Variants in DISC1 observed in about 807,000 individuals in gnomAD.
DISC1 encodes disrupted in schizophrenia 1 protein.
Under a neutral mutation model 84.5 loss-of-function variants are expected in DISC1, and 57 were observed. The observed-to-expected ratio is 0.67, with a 90% CI of 0.55 to 0.84. The LOEUF (loss-of-function observed/expected upper bound fraction) is 0.84. DISC1 is among the 40% of genes least tolerant of loss of function. DISC1 has a pLI of 0.00. For synonymous variants in DISC1, 411 were observed against 415.2 expected (o/e 0.99, Z 0.12); for missense variants, 1,000 against 1,057.8 (o/e 0.95, Z 0.76).
intron 10 of DISC1, among the ~76,000 whole-genome samples, chr1:231,994,827 G>A (rs1044134908): frequency 2.9e-4 from 44 of 152,248 alleles, no homozygotes; most frequent in African/African-American, 9.4e-4. Flanking sequence ...GATTGTCATC[G>A]GTTAATTGCC....
chr1:232,012,991 T>C (rs978710126), intron 11 of DISC1, among the ~76,000 whole-genome samples: 4 of 152,194 alleles, frequency 2.6e-5, no homozygotes, highest in African/African-American at 9.7e-5. Context: ...CTCTGGAAAC[T>C]ATCAGCTGCT....
chr1:232,035,782 TA>T (rs2103070930), intron 12 of DISC1, among the ~76,000 whole-genome samples: 1 of 152,206 alleles, frequency 6.6e-6, no homozygotes, highest in East Asian at 1.9e-4. Context: ...TGACTACAAG[TA>T]AAAAGGGAAA....
intron 8 of DISC1, among the ~76,000 whole-genome samples, chr1:231,817,220 G>C (rs1403679968): frequency 6.6e-6 from 1 of 152,142 alleles, no homozygotes; most frequent in Non-Finnish European, 1.5e-5. Context: ...GAGTAGCTGG[G>C]ATTACAGGTG....
intron 10 of DISC1, among the ~76,000 whole-genome samples, chr1:231,993,889 C>G (rs1259294960): frequency 6.6e-6 from 1 of 152,170 alleles, no homozygotes; most frequent in Non-Finnish European, 1.5e-5. Flanking sequence ...TTCTCTTTCT[C>G]TCTTCACCCT....
At chr1:231,973,835 G>A (rs764388975) in intron 10 of DISC1, among the ~76,000 whole-genome samples, 2 of 152,132 alleles carry the variant, frequency 1.3e-5, no homozygotes, top group Admixed American at 6.5e-5. Context: ...AGACCATCTA[G>A]ATAGTACTCT....
intron 9 of DISC1, among the ~76,000 whole-genome samples, chr1:231,870,054 C>T (rs1326618846): frequency 6.6e-5 from 10 of 151,948 alleles, no homozygotes; most frequent in Admixed American, 2.0e-4. Context: ...TCTGAGAGTA[C>T]GGGGGTCCTA....
chr1:231,728,113 C>A (rs1386323720), intron 3 of DISC1, among the ~76,000 whole-genome samples: 1 of 151,920 alleles, frequency 6.6e-6, no homozygotes, highest in African/African-American at 2.4e-5. Flanking sequence ...GGATTTCATA[C>A]AAAGATGGAG....
At chr1:231,743,529 C>T (rs1304789173) in intron 3 of DISC1, among the ~76,000 whole-genome samples, 1 of 152,076 alleles carries the variant, frequency 6.6e-6, no homozygotes, top group South Asian at 2.1e-4. Flanking sequence ...TTGCGTTTCA[C>T]CAAAGTTTTG....
At chr1:231,772,576 T>A (rs1186538292) in intron 6 of DISC1, among the ~76,000 whole-genome samples, 1 of 152,146 alleles carries the variant, frequency 6.6e-6, no homozygotes, top group Non-Finnish European at 1.5e-5. Context: ...ATTTCTACCT[T>A]ATAGAGCTAT....
intron 8 of DISC1, among the ~76,000 whole-genome samples, chr1:231,809,324 G>A (rs199524534): frequency 6.6e-6 from 1 of 152,104 alleles, no homozygotes; most frequent in Non-Finnish European, 1.5e-5. Flanking sequence ...CCTGGTGAGG[G>A]AATCTTCCCA....
At chr1:231,958,594 G>A (rs529416615) in intron 9 of DISC1, among the ~76,000 whole-genome samples, 1 of 152,326 alleles carries the variant, frequency 6.6e-6, no homozygotes, top group South Asian at 2.1e-4. Flanking sequence ...CTGGCTCAGC[G>A]CTATTGCTCC....
intron 9 of DISC1, among the ~76,000 whole-genome samples, chr1:231,851,623 G>T (rs977391370): frequency 6.6e-6 from 1 of 152,194 alleles, no homozygotes; most frequent in African/African-American, 2.4e-5. Context: ...GGTGCCAAAG[G>T]CTGTGGCGGA....
intron 9 of DISC1, among the ~76,000 whole-genome samples, chr1:231,933,728 C>T (rs2090809590): frequency 6.6e-6 from 1 of 152,162 alleles, no homozygotes; most frequent in South Asian, 2.1e-4. Flanking sequence ...ATATGTCTCT[C>T]CAAACATATT....
chr1:231,814,610 G>A (rs2080710626), intron 8 of DISC1, among the ~76,000 whole-genome samples: 1 of 152,114 alleles, frequency 6.6e-6, no homozygotes, highest in Admixed American at 6.5e-5. Flanking sequence ...ATCATCCTGT[G>A]AACCATTGAA....
chr1:231,962,584 C>T (rs1660537432), intron 10 of DISC1, among the ~76,000 whole-genome samples: 1 of 152,068 alleles, frequency 6.6e-6, no homozygotes, highest in Non-Finnish European at 1.5e-5. Flanking sequence ...CATCAAGGTG[C>T]CGGTATAAAA....
intron 9 of DISC1, among the ~76,000 whole-genome samples, chr1:231,884,234 G>A (rs1167060983): frequency 6.6e-6 from 1 of 152,148 alleles, no homozygotes; most frequent in Admixed American, 6.5e-5. Flanking sequence ...CTGACTCATT[G>A]TTGGTATTTG....
chr1:231,653,135 A>G (rs2060777389), intron 1 of DISC1, among the ~76,000 whole-genome samples: 2 of 152,234 alleles, frequency 1.3e-5, no homozygotes, highest in Admixed American at 1.3e-4. Flanking sequence ...AGTTACATTA[A>G]ATTGGAATGT....
intron 6 of DISC1, chr1:231,771,399 T>C (rs1457414041): frequency 1.1e-5 from 11 of 985,330 alleles, no homozygotes; most frequent in African/African-American, 3.5e-5. Context: ...GAGATCCTAA[T>C]GCCAACTTTT....
chr1:231,752,343 G>T (rs923929769), intron 4 of DISC1, among the ~76,000 whole-genome samples: 6 of 152,116 alleles, frequency 3.9e-5, no homozygotes, highest in Non-Finnish European at 8.8e-5. Flanking sequence ...ATGGTGGAAG[G>T]TGAAAGGGGA....
Sources: allele counts gnomAD v4.1 joint callset (sites outside exome capture counted in the v4.1 genomes callset), GRCh38; gene constraint gnomAD v4.1.1; transcripts MANE v1.5; gene names NCBI Gene and HGNC (gene_info 2026-07-23, HGNC 2026-07-21).